The following STX8 variants were observed in gnomAD, a reference collection of about 807,000 sequenced individuals.
STX8 encodes the protein syntaxin 8, also known as syntaxin-8.
In STX8, 23 loss-of-function variants were observed where a neutral mutation model predicts 37.5. That is an observed-to-expected ratio of 0.61 (90% CI 0.44 to 0.87). The LOEUF (loss-of-function observed/expected upper bound fraction) is 0.87, where lower values mean the gene tolerates loss of function less well. STX8 is among the 40% of genes least tolerant of loss of function. The pLI, the probability that STX8 is intolerant of heterozygous loss-of-function variation, is 0.00. For missense variants in STX8, 313 were observed against 284.7 expected (o/e 1.10, Z -0.71); for synonymous variants, 115 against 99.1 (o/e 1.16, Z -0.95).
intron 2 of STX8, among the ~76,000 whole-genome samples, chr17:9,557,733 G>A (rs79111812): frequency 6.6e-6 from 1 of 152,094 alleles, no homozygotes. Context: ...GCTTGTACCC[G>A]CTCCACAACC....
intron 7 of STX8, among the ~76,000 whole-genome samples, chr17:9,298,226 T>A (rs1020406058): frequency 6.6e-6 from 1 of 152,122 alleles, no homozygotes; most frequent in African/African-American, 2.4e-5. Flanking sequence ...CAGAAGAAGA[T>A]GGACAGTAAA....
At chr17:9,539,437 G>A (rs1906189136) in intron 4 of STX8, among the ~76,000 whole-genome samples, 1 of 152,250 alleles carries the variant, frequency 6.6e-6, no homozygotes, top group Non-Finnish European at 1.5e-5. Context: ...TTGTGGCATT[G>A]CTGCCAGTTA....
At chr17:9,452,918 G>C (rs2142404968) in intron 6 of STX8, among the ~76,000 whole-genome samples, 1 of 151,710 alleles carries the variant, frequency 6.6e-6, no homozygotes, top group East Asian at 1.9e-4. Context: ...CTATTCTCTT[G>C]CCTCAACCTC....
chr17:9,380,067 T>C (rs965473135), intron 6 of STX8, among the ~76,000 whole-genome samples: 5 of 152,132 alleles, frequency 3.3e-5, no homozygotes, highest in African/African-American at 7.2e-5. Context: ...TAAAATAGCA[T>C]ATATAGTATA....
At chr17:9,550,106 C>G (rs1906705371) in intron 3 of STX8, among the ~76,000 whole-genome samples, 1 of 152,210 alleles carries the variant, frequency 6.6e-6, no homozygotes, top group South Asian at 2.1e-4. Context: ...CGCCTGTAGT[C>G]CCAGCTACTC....
At chr17:9,304,654 T>C (rs981458958) in intron 7 of STX8, among the ~76,000 whole-genome samples, 1 of 152,046 alleles carries the variant, frequency 6.6e-6, no homozygotes, top group African/African-American at 2.4e-5. Flanking sequence ...TTCAACTTAA[T>C]ACAATGAAAT....
intron 6 of STX8, among the ~76,000 whole-genome samples, chr17:9,471,031 CTT>C (rs757411419): frequency 0.022 from 726 of 32,966 alleles, 15 homozygotes; most frequent in African/African-American, 0.073. Flanking sequence ...CTGCATCCTG[CTT>C]TTTTTTTTTT....
chr17:9,359,833 G>A (rs1911005567), intron 7 of STX8, among the ~76,000 whole-genome samples: 1 of 151,798 alleles, frequency 6.6e-6, no homozygotes, highest in Non-Finnish European at 1.5e-5. Context: ...AATTTTCTCT[G>A]GTTAATGAAA....
At chr17:9,546,935 CTA>C (rs1429615926) in intron 3 of STX8, among the ~76,000 whole-genome samples, 1 of 150,460 alleles carries the variant, frequency 6.6e-6, no homozygotes, top group Admixed American at 6.6e-5. Flanking sequence ...TGAACTGTGT[CTA>C]TGTGTGTGGT....
chr17:9,292,074 G>A (rs1051684446), intron 7 of STX8, among the ~76,000 whole-genome samples: 1 of 152,242 alleles, frequency 6.6e-6, no homozygotes, highest in Non-Finnish European at 1.5e-5. Context: ...AACCAGACCA[G>A]GACTAGAGCT....
chr17:9,570,685 T>C (rs1214685802), intron 1 of STX8, among the ~76,000 whole-genome samples: 1 of 151,980 alleles, frequency 6.6e-6, no homozygotes, highest in Non-Finnish European at 1.5e-5. Flanking sequence ...CATATTATCA[T>C]GAAAAGAGGA....
chr17:9,257,023 C>T (rs889108931), intron 7 of STX8, among the ~76,000 whole-genome samples: 2 of 152,198 alleles, frequency 1.3e-5, no homozygotes, highest in South Asian at 2.1e-4. Context: ...CTCCTGACTT[C>T]GGGATCGTTT....
chr17:9,518,240 C>G (rs73973801), intron 4 of STX8, among the ~76,000 whole-genome samples: 22 of 152,180 alleles, frequency 1.4e-4, no homozygotes, highest in Admixed American at 3.9e-4. Context: ...TACCCCTGCA[C>G]GACCAAAATC....
chr17:9,566,579 G>C (rs534162940), intron 2 of STX8, among the ~76,000 whole-genome samples: 2 of 152,108 alleles, frequency 1.3e-5, no homozygotes, highest in Non-Finnish European at 2.9e-5. Flanking sequence ...CTGAGGTCAG[G>C]TGTTCGAGAC....
chr17:9,571,198 C>A (rs530195847), intron 1 of STX8, among the ~76,000 whole-genome samples: 3 of 152,260 alleles, frequency 2.0e-5, no homozygotes, highest in Non-Finnish European at 4.4e-5. Context: ...TGTCCTGACT[C>A]CAGTCCTTGT....
rs531114182 is a variant in STX8, at chr17:9,359,696, G to C, written c.643+18856C>G. 3.9e-5 allele frequency among the ~76,000 whole-genome samples: 6 copies of C among 152,032 alleles called. No individual in the cohort carries two copies. The South Asian group carries it at 1.2e-3, about 32-fold the overall frequency. ...CTAATATTTTTGTATTTTTAGTAGA[G>C]ACAGGGTTTCACCGTGTTAGCCAGG... On this transcript the variant is annotated intron_variant, in intron 7 of 7. Transcript: ENST00000306357.
chr17:9,263,340 C>T (rs940818800), intron 7 of STX8, among the ~76,000 whole-genome samples: 1 of 151,922 alleles, frequency 6.6e-6, no homozygotes, highest in African/African-American at 2.4e-5. Flanking sequence ...ATTAGCCGGG[C>T]ATGGTGGCAC....
rs1205085937 is a variant in STX8, at chr17:9,272,303, C to T, written c.644-21658G>A. Among the ~76,000 whole-genome samples the T allele has an allele frequency of 3.3e-5, 5 of 152,346 alleles. No homozygotes were observed. In the South Asian group the frequency reaches 8.3e-4, roughly 25 times the overall value. On this transcript the variant is annotated intron_variant, in intron 7 of 7. Transcript: ENST00000306357. The stretch of plus-strand genomic sequence containing the variant: ...TGGCCACTAAGGACGCTGCCTTCTT[C>T]CTCACAGAAGCCCGAGGAAATGCCC...
At chr17:9,353,254 T>C (rs1456309862) in intron 7 of STX8, among the ~76,000 whole-genome samples, 1 of 152,222 alleles carries the variant, frequency 6.6e-6, no homozygotes, top group Admixed American at 6.5e-5. Context: ...CCCATCATTG[T>C]TTGTGCGCTT....
Sources: allele counts gnomAD v4.1 joint callset (sites outside exome capture counted in the v4.1 genomes callset), GRCh38; gene constraint gnomAD v4.1.1; transcripts MANE v1.5; gene names NCBI Gene and HGNC (gene_info 2026-07-23, HGNC 2026-07-21).